Variants in LSMEM1 observed in about 807,000 individuals in gnomAD.
The protein encoded by LSMEM1 is leucine rich single-pass membrane protein 1.
A neutral mutation model predicts 11.3 loss-of-function variants in LSMEM1; 10 were observed. The ratio of observed to expected loss-of-function variants is 0.89; its 90% CI spans 0.55 to 1.50. The LOEUF is 1.50. Among genes scored for constraint, LSMEM1 ranks in the 40% most tolerant of loss-of-function variants. The probability of loss-of-function intolerance (pLI) is 0.00; values close to 1 mark genes in which losing one functional copy is unlikely to be tolerated. For missense variants in LSMEM1, 151 were observed against 152.9 expected, an observed-to-expected ratio of 0.99 and a Z score of 0.06; for synonymous variants, 65 against 59.3, an observed-to-expected ratio of 1.10 and a Z score of -0.44.
intron 1 of LSMEM1, 105 bp downstream of exon 1, chr7:112,481,451 G>T (rs1796032096): frequency 6.6e-6 from 1 of 152,234 alleles, no homozygotes; most frequent in Non-Finnish European, 1.5e-5. Flanking sequence ...TGATAGAAAT[G>T]ATTTAGACTT....
intron 1 of LSMEM1, among the ~76,000 whole-genome samples, chr7:112,484,453 A>T (rs972697336): frequency 1.3e-5 from 2 of 152,230 alleles, no homozygotes; most frequent in African/African-American, 2.4e-5. Flanking sequence ...GAAAAATTTT[A>T]AAATTAGTTA....
At chr7:112,488,713 C>T (rs1026415208) in intron 3 of LSMEM1, among the ~76,000 whole-genome samples, 1 of 152,188 alleles carries the variant, frequency 6.6e-6, no homozygotes, top group Non-Finnish European at 1.5e-5. Context: ...TCTCCTGCCT[C>T]AGCCTCCCAA....
chr7:112,490,602 A>T lies in LSMEM1; in HGVS notation c.*653A>T, dbSNP rs1245761795. The T allele has an allele frequency of 6.6e-6, 1 of 152,238 alleles. No homozygotes were observed. Among genetic ancestry groups the T allele is most frequent in the Non-Finnish European group, 1.5e-5 (1 of 68,058 alleles). 9.4% of individuals were successfully genotyped at this position (152,238 alleles called of 1,614,324 possible). On this transcript the variant is annotated 3_prime_UTR_variant, in exon 4 of 4. Transcript: ENST00000312849. The stretch of plus-strand genomic sequence containing the variant: ...TTTATTAAGCTCCTACTCTGTGCAA[A>T]TCACTCTACTCAAGAGGAGCTCACA...
intron 3 of LSMEM1, among the ~76,000 whole-genome samples, chr7:112,487,279 T>C (rs1054893456): frequency 1.3e-5 from 2 of 152,232 alleles, no homozygotes; most frequent in African/African-American, 4.8e-5. Flanking sequence ...TGAATATGTA[T>C]GTTAAATAAT....
Position 112,486,908 on chromosome 7 carries a change from T to C in LSMEM1, c.128-15T>C. 6.2e-7 allele frequency: 1 copy of C among 1,613,792 alleles called. No individual in the cohort carries two copies. Among genetic ancestry groups the C allele is most frequent in the East Asian group, 2.2e-5 (1 of 44,882 alleles). ...GAGCAGTTTTTGTCCTTGTTTTTTG[T>C]TTGTTTCATATTAGCTCTAGAGGAC... is the stretch of plus-strand genomic sequence containing the variant. On this transcript the variant is annotated splice_polypyrimidine_tract_variant and intron_variant, in intron 2 of 3. Coordinates refer to ENST00000312849, the MANE Select transcript of LSMEM1 (RefSeq NM_182597.3).
chr7:112,488,824 G>A (rs934391393), intron 3 of LSMEM1, among the ~76,000 whole-genome samples: 3 of 152,040 alleles, frequency 2.0e-5, no homozygotes, highest in African/African-American at 4.8e-5. Context: ...CTCGAAATCT[G>A]GACCTCAGGT....
At chr7:112,489,714 C>A in intron 3 of LSMEM1, 96 bp from the exon 4 acceptor site, 12 of 1,394,004 alleles carry the variant, frequency 8.6e-6, no homozygotes, top group Non-Finnish European at 1.2e-5. Flanking sequence ...CCAAGAGTGT[C>A]TTTCAGCATC....
Position 112,489,884 on chromosome 7 carries a change from A to G in LSMEM1, c.331A>G (p.Arg111Gly), listed in dbSNP as rs1335055141. ...AGGAAAAGACATAGATGATCTTAAGAGAATCAATAACATGATCGTAAAGCG... is the reference window on the plus strand; with the variant it reads ...AGGAAAAGACATAGATGATCTTAAGGGAATCAATAACATGATCGTAAAGCG... ...AEGKDIDDLK[R>G]INNMIVKRLN... is the part of the protein sequence containing the mutation. The change falls in exon 4 of 4, where the codon AGA becomes GGA. Residue 111 changes from arginine (R) to glycine (G), a missense_variant. Transcript: ENST00000312849. The G allele has an allele frequency of 1.9e-6, 3 of 1,614,210 alleles. No individual in the cohort carries two copies. The highest frequency in any genetic ancestry group is 2.5e-6 in the Non-Finnish European group (3 of 1,180,008).
chr7:112,483,359 C>G (rs1287951539), intron 1 of LSMEM1: 3 of 152,178 alleles, frequency 2.0e-5, no homozygotes, highest in African/African-American at 7.2e-5. Flanking sequence ...TTATTATTAA[C>G]TGCCTCCAAT....
chr7:112,487,912 A>G (rs1446977945), intron 3 of LSMEM1, among the ~76,000 whole-genome samples: 1 of 152,222 alleles, frequency 6.6e-6, no homozygotes, highest in Non-Finnish European at 1.5e-5. Context: ...CTGCACTGTC[A>G]TTTCTTTCAC....
At chr7:112,484,039 C>T (rs1330513154) in intron 1 of LSMEM1, among the ~76,000 whole-genome samples, 5 of 152,282 alleles carry the variant, frequency 3.3e-5, no homozygotes, top group East Asian at 1.9e-4. Flanking sequence ...GTTGTGCTGT[C>T]GTTAGAGAAT....
intron 2 of LSMEM1, 109 bp from the exon 3 acceptor site, chr7:112,486,814 A>G (rs1457975930): frequency 6.9e-7 from 1 of 1,441,272 alleles, no homozygotes; most frequent in Non-Finnish European, 9.4e-7. Context: ...TCAGAGAGAA[A>G]GTGGGTGTGT....
At position 112,487,003 on chromosome 7, in the gene LSMEM1, G is replaced by A; in HGVS notation, c.208G>A (p.Val70Met). 6.2e-7 allele frequency: 1 copy of A among 1,614,142 alleles called. No individual in the cohort carries two copies. The highest frequency in any genetic ancestry group is 8.5e-7 in the Non-Finnish European group (1 of 1,180,002). ...TCTGTTTTTTGTGGGGCTGCTAATT[G>A]TGCTGATTGTCAGCCTGGCACTGGT... ...RSLFFVGLLI[V>M]LIVSLALVFF... is the part of the protein sequence containing the mutation. The change falls in exon 3 of 4, where the codon GTG becomes ATG. Residue 70 changes from valine to methionine, a missense_variant. Transcript: ENST00000312849.
At position 112,486,916 on chromosome 7, in the gene LSMEM1, A is replaced by G. The variant is rs1796141446; in HGVS notation, c.128-7A>G. Reference sequence around the variant, plus strand: ...TTTGTCCTTGTTTTTTGTTTGTTTCATATTAGCTCTAGAGGACAAAATCCC... The same window carrying G: ...TTTGTCCTTGTTTTTTGTTTGTTTCGTATTAGCTCTAGAGGACAAAATCCC... On this transcript the variant is annotated splice_region_variant and splice_polypyrimidine_tract_variant and intron_variant, in intron 2 of 3. Transcript: ENST00000312849. The G allele has an allele frequency of 6.2e-7, 1 of 1,613,568 alleles. No individual in the cohort carries two copies. The highest frequency in any genetic ancestry group is 1.3e-5 in the African/African-American group (1 of 74,838).
rs1194255457 is a variant in LSMEM1 at position 112,489,907 on chromosome 7, G to T, written c.354G>T (p.Lys118Asn). 2.5e-6 allele frequency: 4 copies of T among 1,614,006 alleles called. No individual in the cohort carries two copies. In the African/African-American group the frequency reaches 5.3e-5, roughly 22 times the overall value. The change falls in exon 4 of 4, where the codon AAG becomes AAT. Residue 118 changes from lysine to asparagine, a missense_variant. Coordinates refer to ENST00000312849, the MANE Select transcript of LSMEM1 (RefSeq NM_182597.3). ...DLKRINNMIVKRLNQLNQLDS... is the reference protein window; with the variant it reads ...DLKRINNMIVNRLNQLNQLDS... ...AGAGAATCAATAACATGATCGTAAA[G>T]CGACTCAACCAACTCAACCAACTGG...
rs772523458 is a variant in LSMEM1, at chr7:112,484,830, C to T, written c.14C>T (p.Ser5Phe). The change falls in exon 2 of 4, where the codon TCC (serine) becomes TTC (phenylalanine). Residue 5 changes from serine (S) to phenylalanine (F), a missense_variant. By Grantham distance (155) the Ser-to-Phe change is radical. Coordinates refer to ENST00000312849, the MANE Select transcript of LSMEM1 (RefSeq NM_182597.3). MTHSSQDTGSCGIQE... is the reference protein window; with the variant it reads MTHSFQDTGSCGIQE... ...CTTCCAGGGACAATGACTCATTCTT[C>T]CCAGGACACTGGTTCTTGTGGCATT... The T allele has an allele frequency of 1.9e-6, 3 of 1,613,388 alleles. No individual in the cohort carries two copies. The highest frequency in any genetic ancestry group is 2.7e-5 in the African/African-American group (2 of 74,876).
At chr7:112,483,341 T>C (rs1260844367) in intron 1 of LSMEM1, 1 of 152,198 alleles carries the variant, frequency 6.6e-6, no homozygotes. Flanking sequence ...TTATTTCTGT[T>C]CATGTACTTA....
In LSMEM1 at chr7:112,490,454, C is replaced by A. The variant is rs868657995; in HGVS notation, c.*505C>A. The stretch of plus-strand genomic sequence containing the variant: ...GGTGATTAGACTTTGACTCTATTTC[C>A]CCAGGGACAGTGATGGGTGGGCCCC... On this transcript the variant is annotated 3_prime_UTR_variant, in exon 4 of 4. Transcript: ENST00000312849. 1 of 152,562 alleles carries A rather than the reference C, an allele frequency of 6.6e-6. No homozygotes were observed. The highest frequency in any genetic ancestry group is 2.4e-5 in the African/African-American group (1 of 41,408). The allele number at this position is 152,562 out of a possible 1,614,324, so 9.5% of individuals were successfully genotyped here. A position where few individuals can be genotyped will look rare whatever the true frequency, so the allele number is the denominator to read the frequency against.
Position 112,484,933 on chromosome 7 carries a change from G to T in LSMEM1, c.117G>T (p.Gln39His). 1 of 1,611,932 alleles carries T rather than the reference G, an allele frequency of 6.2e-7. No individual in the cohort carries two copies. ...TAAACCTCTGTCCAGCCGGATCGCA[G>T]CATCTGTTCCGTATGTGTGCTGGGG... ...NKLNLCPAGS[Q>H]HLFPLEDKIP... Residue 39 changes from glutamine (Q) to histidine (H), a missense_variant, in exon 2 of 4, where the codon CAG becomes CAT. Physicochemically the swap from Gln to His is conservative, Grantham distance 24. Coordinates refer to ENST00000312849, the MANE Select transcript of LSMEM1 (RefSeq NM_182597.3).
Sources: allele counts gnomAD v4.1 joint callset (sites outside exome capture counted in the v4.1 genomes callset), GRCh38; gene constraint gnomAD v4.1.1; transcripts MANE v1.5; gene names NCBI Gene and HGNC (gene_info 2026-07-23, HGNC 2026-07-21).